SGPL1: variants seen among roughly 807,000 people sequenced by gnomAD.
The protein encoded by SGPL1 is SP-lyase 1.
A neutral mutation model predicts 68.9 loss-of-function variants in SGPL1; 37 were observed. The ratio of observed to expected loss-of-function variants is 0.54; its 90% confidence interval spans 0.41 to 0.71. The LOEUF (loss-of-function observed/expected upper bound fraction) is 0.71, where lower values mean the gene tolerates loss of function less well. SGPL1 is among the 30% of genes least tolerant of loss of function. The pLI is 0.00. For missense variants in SGPL1, 551 were observed against 704.6 expected (o/e 0.78, Z 2.47); for synonymous variants, 236 against 248.5 (o/e 0.95, Z 0.47).
chr10:70,871,075 A>T lies in SGPL1; in HGVS notation c.838A>T (p.Thr280Ser). 6.2e-7 allele frequency: 1 copy of T among 1,614,010 alleles called. No individual in the cohort carries two copies. The highest frequency in any genetic ancestry group is 8.5e-7 in the Non-Finnish European group (1 of 1,179,850). Residue 280 changes from threonine to serine, a missense_variant, in exon 10 of 15, where the codon ACT becomes TCT. By Grantham distance (58) the Thr-to-Ser change is moderately conservative (BLOSUM62 1). Coordinates refer to ENST00000373202, the MANE Select transcript of SGPL1 (RefSeq NM_003901.4). The stretch of plus-strand genomic sequence containing the variant: ...AATGAGAAGAGCTATCTCCAGGAAC[A>T]CTGCCATGCTCGTCTGTTCTACCCC... ...RAMRRAISRN[T>S]AMLVCSTPQF...
At chr10:70,867,253 A>T (rs937028163) in intron 7 of SGPL1, among the ~76,000 whole-genome samples, 4 of 152,140 alleles carry the variant, frequency 2.6e-5, no homozygotes, top group African/African-American at 9.7e-5. Flanking sequence ...GTTTACTGAG[A>T]GTCAAGTCAG....
chr10:70,854,609 C>T lies in SGPL1; in HGVS notation c.262-99C>T, dbSNP rs187269031. ...AAAAATGTTAGTTTAGTTACTTGTGCGGTGCCTAGCATTGAGCAGTTGCTT... is the reference window on the plus strand; with the variant it reads ...AAAAATGTTAGTTTAGTTACTTGTGTGGTGCCTAGCATTGAGCAGTTGCTT... On this transcript the variant is annotated intron_variant, in intron 4 of 14. Transcript: ENST00000373202. The T allele has an allele frequency of 3.8e-4, 359 of 946,012 alleles. 8 individuals carry two copies. The South Asian group carries it at 5.1e-3, about 13-fold the overall frequency. The allele number at this position is 946,012 out of a possible 1,614,324, so 58.6% of individuals were successfully genotyped here. A position where few individuals can be genotyped will look rare whatever the true frequency, so the allele number is the denominator to read the frequency against.
rs1846460497 is a variant in SGPL1 at position 70,879,401 on chromosome 10, G to GTGTA, written c.*2069_*2070insATGT. The GTGTA allele has an allele frequency of 6.5e-6, 1 of 153,144 alleles. No individual in the cohort carries two copies. Among genetic ancestry groups the GTGTA allele is most frequent in the Non-Finnish European group, 1.4e-5 (1 of 69,116 alleles). The allele number at this position is 153,144 out of a possible 1,614,324, so 9.5% of individuals were successfully genotyped here. On this transcript the variant is annotated 3_prime_UTR_variant, in exon 15 of 15. Transcript: ENST00000373202. ...TTTATGTGTGTGTGTGTGTGTGTGT[G>GTGTA]TGTTTTTCCTGTTTGCCCAGCAGTG...
rs577971601 is a variant in SGPL1, at chr10:70,829,797, C to A, written c.27+12917C>A. Reference sequence around the variant, plus strand: ...AGATTAACATGACTCTCAGAGTCCGCAAGAGTAGTGGTGAGGTGTCAGTTC... The same window carrying A: ...AGATTAACATGACTCTCAGAGTCCGAAAGAGTAGTGGTGAGGTGTCAGTTC... On this transcript the variant is annotated intron_variant, in intron 2 of 14. Transcript: ENST00000373202. Among the ~76,000 whole-genome samples, 5 of 152,246 alleles carry A rather than the reference C, an allele frequency of 3.3e-5. No homozygotes were observed. The South Asian group carries it at 1.0e-3, about 32-fold the overall frequency.
intron 3 of SGPL1, among the ~76,000 whole-genome samples, chr10:70,849,917 C>T (rs1016472122): frequency 2.0e-5 from 3 of 152,210 alleles, no homozygotes; most frequent in Non-Finnish European, 4.4e-5. Context: ...CTGATTTTAT[C>T]TGTGGCCTTG....
At chr10:70,843,541 A>C (rs1199058531) in intron 2 of SGPL1, among the ~76,000 whole-genome samples, 2 of 152,232 alleles carry the variant, frequency 1.3e-5, no homozygotes, top group Non-Finnish European at 2.9e-5. Context: ...AGTAGACTGC[A>C]AGGCAGGTTG....
chr10:70,871,299 A>G (rs957243966), intron 10 of SGPL1, among the ~76,000 whole-genome samples, 153 bp downstream of exon 10: 2 of 152,210 alleles, frequency 1.3e-5, no homozygotes, highest in Non-Finnish European at 2.9e-5. Context: ...GAAGCCCTGC[A>G]GCTCAGTTGC....
chr10:70,861,714 G>A (rs1846059477), intron 7 of SGPL1, among the ~76,000 whole-genome samples: 1 of 152,210 alleles, frequency 6.6e-6, no homozygotes, highest in East Asian at 1.9e-4. Context: ...GTGAGCATGG[G>A]CTTGGCGGGC....
At position 70,862,800 on chromosome 10, in the gene SGPL1, G is replaced by A. The variant is rs1209368246; in HGVS notation, c.615+3301G>A. ...TTCCGGACACATCCGAACATCAGAAGGAACAAACTCCAGACGTGCTACCTT... is the reference window on the plus strand; with the variant it reads ...TTCCGGACACATCCGAACATCAGAAAGAACAAACTCCAGACGTGCTACCTT... On this transcript the variant is annotated intron_variant, in intron 7 of 14. Coordinates refer to ENST00000373202, the MANE Select transcript of SGPL1 (RefSeq NM_003901.4). Among the ~76,000 whole-genome samples, 6 of 152,220 alleles carry A rather than the reference G, an allele frequency of 3.9e-5. No homozygotes were observed. The East Asian group carries it at 7.7e-4, about 20-fold the overall frequency.
intron 10 of SGPL1, 53 bp downstream of exon 10, chr10:70,871,199 A>C: frequency 8.2e-7 from 1 of 1,223,472 alleles, no homozygotes; most frequent in Non-Finnish European, 1.2e-6. Context: ...TTTAAAACAA[A>C]GCCTAATGGG....
chr10:70,873,925 T>G (rs902563169), intron 12 of SGPL1, among the ~76,000 whole-genome samples: 10 of 152,212 alleles, frequency 6.6e-5, no homozygotes, highest in African/African-American at 2.4e-4. Context: ...TGAGCATGCA[T>G]TCTAATCACC....
chr10:70,822,691 G>A lies in SGPL1; in HGVS notation c.27+5811G>A, dbSNP rs563576040. Among the ~76,000 whole-genome samples the A allele has an allele frequency of 1.2e-4, 19 of 152,208 alleles. No homozygotes were observed. The South Asian group carries it at 2.5e-3, about 20-fold the overall frequency. ...TCATATCTTGGCATAATCCAACAGC[G>A]TACTAAGGGATCAAGGGACTATTTT... On this transcript the variant is annotated intron_variant, in intron 2 of 14. Coordinates refer to ENST00000373202, the MANE Select transcript of SGPL1 (RefSeq NM_003901.4).
rs1183709912 is a variant in SGPL1, at chr10:70,849,421, T to G, written c.194-1722T>G. The stretch of plus-strand genomic sequence containing the variant: ...TTTACATTATACAGAATCTCAGGTA[T>G]GTATTACAGTGTGTAGAACATAGGG... On this transcript the variant is annotated intron_variant, in intron 3 of 14. Coordinates refer to ENST00000373202, the MANE Select transcript of SGPL1 (RefSeq NM_003901.4). Among the ~76,000 whole-genome samples the G allele has an allele frequency of 2.0e-5, 3 of 152,180 alleles. No individual in the cohort carries two copies. The East Asian group carries it at 5.8e-4, about 29-fold the overall frequency.
intron 7 of SGPL1, among the ~76,000 whole-genome samples, chr10:70,862,289 C>G (rs140989857): frequency 6.6e-6 from 1 of 152,178 alleles, no homozygotes; most frequent in Admixed American, 6.5e-5. Flanking sequence ...TCTCGCTGCT[C>G]TGGTGGGGGC....
chr10:70,834,670 G>A (rs966067961), intron 2 of SGPL1, among the ~76,000 whole-genome samples: 1 of 152,188 alleles, frequency 6.6e-6, no homozygotes, highest in African/African-American at 2.4e-5. Flanking sequence ...GTAGGATGCC[G>A]TTAGGTCATC....
At chr10:70,837,877 C>G (rs573181927) in intron 2 of SGPL1, among the ~76,000 whole-genome samples, 4 of 152,242 alleles carry the variant, frequency 2.6e-5, no homozygotes, top group Non-Finnish European at 5.9e-5. Flanking sequence ...TGGTGAGGGC[C>G]TTCTTCTTGC....
In SGPL1 at chr10:70,879,009, T is replaced by C. The variant is rs1846450045; in HGVS notation, c.*1674T>C. On this transcript the variant is annotated 3_prime_UTR_variant, in exon 15 of 15. Transcript: ENST00000373202. ...TAGGGAACTCTGTAGGCTGAGCCAC[T>C]GTCCTGCTCTTATGACATTATATCT... 1 of 152,754 alleles carries C rather than the reference T, an allele frequency of 6.5e-6. No individual in the cohort carries two copies. Among genetic ancestry groups the C allele is most frequent in the Admixed American group, 6.5e-5 (1 of 15,288 alleles). 9.5% of individuals were successfully genotyped at this position (152,754 alleles called of 1,614,324 possible).
intron 2 of SGPL1, among the ~76,000 whole-genome samples, chr10:70,817,551 C>T (rs1205964232): frequency 2.0e-5 from 3 of 152,172 alleles, no homozygotes; most frequent in Admixed American, 6.5e-5. Flanking sequence ...GATCCTCTTG[C>T]TTCAGCCTCT....
intron 5 of SGPL1, 23 bp from the exon 6 acceptor site, chr10:70,857,591 A>G (rs1298027801): frequency 1.3e-6 from 2 of 1,596,534 alleles, no homozygotes; most frequent in Non-Finnish European, 1.7e-6. Context: ...CTTACTGACC[A>G]GTGACCTTAC....
Sources: allele counts gnomAD v4.1 joint callset (sites outside exome capture counted in the v4.1 genomes callset), GRCh38; gene constraint gnomAD v4.1.1; transcripts MANE v1.5; gene names NCBI Gene and HGNC (gene_info 2026-07-23, HGNC 2026-07-21).